The following APLP2 variants were observed in gnomAD, a reference collection of about 807,000 sequenced individuals.
APLP2 encodes the protein amyloid beta precursor like protein 2.
Under a neutral mutation model 89.9 loss-of-function variants are expected in APLP2, and 53 were observed. The ratio of observed to expected loss-of-function variants is 0.59; its 90% confidence interval spans 0.47 to 0.74. The LOEUF is 0.74. Among genes scored for constraint, APLP2 ranks in the 30% least tolerant of loss-of-function variants. The probability of loss-of-function intolerance (pLI) is 0.00; values close to 1 mark genes in which losing one functional copy is unlikely to be tolerated. For synonymous variants in APLP2, 372 were observed against 348.6 expected, an observed-to-expected ratio of 1.07 and a Z score of -0.75; for missense variants, 973 against 975.9, an observed-to-expected ratio of 1.00 and a Z score of 0.04.
At chr11:130,101,207 C>T (rs1018456339) in intron 1 of APLP2, among the ~76,000 whole-genome samples, 2 of 152,218 alleles carry the variant, frequency 1.3e-5, no homozygotes, top group African/African-American at 2.4e-5. Context: ...GATGGAGTCT[C>T]GCTCTGTCGC....
chr11:130,122,768 C>T (rs115341196), intron 6 of APLP2, among the ~76,000 whole-genome samples: 70 of 152,242 alleles, frequency 4.6e-4, no homozygotes, highest in South Asian at 2.3e-3. Flanking sequence ...CAACGTAGTC[C>T]GCCCTTCAGC....
At chr11:130,133,480 C>T in intron 11 of APLP2, 149 bp from the exon 12 acceptor site, 1 of 617,822 alleles carries the variant, frequency 1.6e-6, no homozygotes. Flanking sequence ...TAATACATTT[C>T]CCCTGACCAG....
At chr11:130,120,618 T>C (rs1325019374) in intron 3 of APLP2, 88 bp from the exon 4 acceptor site, 6 of 906,328 alleles carry the variant, frequency 6.6e-6, no homozygotes, top group Non-Finnish European at 1.1e-5. Context: ...CTCCTGGCTG[T>C]GTAGACTATC....
At position 130,121,794 on chromosome 11, in the gene APLP2, T is replaced by C; in HGVS notation, c.697T>C (p.Tyr233His). 1 of 1,611,862 alleles carries C rather than the reference T, an allele frequency of 6.2e-7. No homozygotes were observed. Among genetic ancestry groups the C allele is most frequent in the African/African-American group, 1.3e-5 (1 of 75,042 alleles). ...GGAAGAGGAAGATGAAGAGGAAGAC[T>C]ATGATGTTTATAAAAGGTAACTCTT... ...EEEEEDEEEDYDVYKSEFPTE... is the reference protein window; with the variant it reads ...EEEEEDEEEDHDVYKSEFPTE... The change falls in exon 5 of 17, where the codon TAT becomes CAT. Residue 233 changes from tyrosine (Y) to histidine (H), a missense_variant. Physicochemically the swap from Tyr to His is moderately conservative, Grantham distance 83 (BLOSUM62 2). Transcript: ENST00000338167.
chr11:130,114,054 C>A (rs967341006), intron 3 of APLP2, among the ~76,000 whole-genome samples: 2 of 152,170 alleles, frequency 1.3e-5, no homozygotes, highest in Non-Finnish European at 1.5e-5. Context: ...CAAGGAAATT[C>A]TCCTACGTAA....
At position 130,123,138 on chromosome 11, in the gene APLP2, C is replaced by T. The variant is rs57460914; in HGVS notation, c.923-474C>T. On this transcript the variant is annotated intron_variant, in intron 6 of 16. Transcript: ENST00000338167. The surrounding 1 kb of genome is among the most constrained non-coding windows in gnomAD (Gnocchi z 4.0). ...TTAGGACCCAAGTTGGGGGAAATTA[C>T]TTAACCAGTTGAGAAGTTTGTGATT... is the stretch of plus-strand genomic sequence containing the variant. 0.045 allele frequency among the ~76,000 whole-genome samples: 6,856 copies of T among 152,218 alleles called. 510 individuals are homozygous for T. The highest frequency in any genetic ancestry group is 0.16 in the African/African-American group (6,435 of 41,504).
At chr11:130,091,151 C>T (rs1945019660) in intron 1 of APLP2, among the ~76,000 whole-genome samples, 23 of 137,878 alleles carry the variant, frequency 1.7e-4, no homozygotes, top group African/African-American at 6.4e-4. Context: ...CTCCTCACTT[C>T]CCAGTAGGGG....
chr11:130,135,528 A>C lies in APLP2; in HGVS notation c.1685-35A>C, dbSNP rs541887210. ...GTGCCTGGACACCAGGCCCTTCTGA[A>C]GCCTGCTTTCTGTCCCCTGCCCTGT... On this transcript the variant is annotated intron_variant, in intron 12 of 16. Transcript: ENST00000338167. 197 of 1,608,666 alleles carry C rather than the reference A, an allele frequency of 1.2e-4. No individual in the cohort carries two copies. The South Asian group carries it at 2.1e-3, about 17-fold the overall frequency.
rs1952457504 is a variant in APLP2 at position 130,141,935 on chromosome 11, T to TTCAGTCTGA, written c.2015_2016insTCAGTCTGA (p.Leu672_Arg673insGlnSerGlu). On this transcript the variant is annotated inframe_insertion, in exon 16 of 17. Coordinates refer to ENST00000338167, the MANE Select transcript of APLP2 (RefSeq NM_001142276.2). The surrounding 1 kb of genome is among the most constrained non-coding windows in gnomAD (Gnocchi z 4.2). ...ATTACGTAGGAATCCGTGGGCCCAC[T>TTCAGTCTGA]GCGGGAGGACTTCAGTCTGAGTAGC... is the stretch of plus-strand genomic sequence containing the variant. 1 of 1,606,990 alleles carries TTCAGTCTGA rather than the reference T, an allele frequency of 6.2e-7. No individual in the cohort carries two copies. The highest frequency in any genetic ancestry group is 8.5e-7 in the Non-Finnish European group (1 of 1,174,284).
intron 1 of APLP2, among the ~76,000 whole-genome samples, chr11:130,086,040 T>C (rs1351164847): frequency 3.3e-5 from 5 of 152,266 alleles, no homozygotes; most frequent in African/African-American, 7.2e-5. Flanking sequence ...TGCTTTCAGT[T>C]CTTTCGGATA....
intron 1 of APLP2, among the ~76,000 whole-genome samples, chr11:130,074,142 G>C (rs1941676230): frequency 6.6e-6 from 1 of 152,186 alleles, no homozygotes; most frequent in South Asian, 2.1e-4. Flanking sequence ...TCTGCTGTCG[G>C]TTTTCTAGTT....
At chr11:130,117,130 TAAAAA>T (rs1004295266) in intron 3 of APLP2, among the ~76,000 whole-genome samples, 1 of 149,266 alleles carries the variant, frequency 6.7e-6, no homozygotes, top group South Asian at 2.1e-4. Flanking sequence ...GACTCCATCT[TAAAAA>T]AAAAAGTTAA....
chr11:130,139,196 T>A (rs940427062), intron 13 of APLP2: 5 of 152,228 alleles, frequency 3.3e-5, no homozygotes, highest in Admixed American at 6.5e-5. Context: ...AATTGCATCA[T>A]TTTTGGCTGC....
intron 1 of APLP2, among the ~76,000 whole-genome samples, chr11:130,092,701 GGGGGA>G (rs1945563817): frequency 7.6e-6 from 1 of 132,082 alleles, no homozygotes; most frequent in East Asian, 2.9e-4. Flanking sequence ...GGAGACCGTG[GGGGGA>G]GGGAGGGGGA....
Position 130,141,965 on chromosome 11 carries a change from C to G in APLP2, c.2045C>G (p.Ala682Gly), listed in dbSNP as rs1445848368. 25 of 1,614,050 alleles carry G rather than the reference C, an allele frequency of 1.5e-5. No homozygotes were observed. The highest frequency in any genetic ancestry group is 2.1e-5 in the Non-Finnish European group (25 of 1,179,966). The change falls in exon 16 of 17, where the codon GCT becomes GGT. Residue 682 changes from alanine (A) to glycine (G), a missense_variant. Coordinates refer to ENST00000338167, the MANE Select transcript of APLP2 (RefSeq NM_001142276.2). This position sits in a 1 kb window ranked among gnomAD's most constrained non-coding sequence, Gnocchi z 4.2. ...GAGGACTTCAGTCTGAGTAGCAGTG[C>G]TCTCATTGGCCTGCTGGTCATCGCA... ...LREDFSLSSSALIGLLVIAVA... is the reference protein window; with the variant it reads ...LREDFSLSSSGLIGLLVIAVA...
At chr11:130,108,896 G>T (rs564558799) in intron 1 of APLP2, 3 of 152,448 alleles carry the variant, frequency 2.0e-5, no homozygotes, top group African/African-American at 7.2e-5. Context: ...CATGTCCTTT[G>T]TAGGGACCTG....
At chr11:130,134,050 T>G (rs1202905283) in intron 12 of APLP2, among the ~76,000 whole-genome samples, 2 of 152,236 alleles carry the variant, frequency 1.3e-5, no homozygotes, top group Non-Finnish European at 1.5e-5. Context: ...TCTGATTATT[T>G]CAAGCACCTG....
At position 130,116,658 on chromosome 11, in the gene APLP2, G is replaced by C. The variant is rs947896899; in HGVS notation, c.404-4048G>C. Among the ~76,000 whole-genome samples, 3 of 152,042 alleles carry C rather than the reference G, an allele frequency of 2.0e-5. No individual in the cohort carries two copies. In the East Asian group the frequency reaches 5.9e-4, roughly 30 times the overall value. On this transcript the variant is annotated intron_variant, in intron 3 of 16. Coordinates refer to ENST00000338167, the MANE Select transcript of APLP2 (RefSeq NM_001142276.2). ...GCTCATTTTTACTATTTCTAGTAGA[G>C]ATGGGGTTTCCCCATGTTGGCCAGG...
chr11:130,083,162 A>G (rs1258107623), intron 1 of APLP2, among the ~76,000 whole-genome samples: 1 of 150,808 alleles, frequency 6.6e-6, no homozygotes, highest in African/African-American at 2.4e-5. Context: ...CAGCCTCCCA[A>G]GTAGCTGGGA....
Sources: allele counts gnomAD v4.1 joint callset (sites outside exome capture counted in the v4.1 genomes callset), GRCh38; gene constraint gnomAD v4.1.1; non-coding constraint Gnocchi (gnomAD v3.1); transcripts MANE v1.5; gene names NCBI Gene and HGNC (gene_info 2026-07-23, HGNC 2026-07-21).